Variants in FBXL17 observed in about 807,000 individuals in gnomAD.
FBXL17 encodes F-box and leucine rich repeat protein 17, also known as F-box/LRR-repeat protein 17.
Under a neutral mutation model 66.2 loss-of-function variants are expected in FBXL17, and 22 were observed. The observed-to-expected ratio is 0.33, with a 90% confidence interval of 0.24 to 0.47. The LOEUF (loss-of-function observed/expected upper bound fraction) is 0.47. Ranked by LOEUF, FBXL17 falls within the 20% of genes least tolerant of loss-of-function variation. The pLI is 1.00. For synonymous variants in FBXL17, 474 were observed against 400.5 expected, an observed-to-expected ratio of 1.18 and a Z score of -2.19; for missense variants, 878 against 948.2, an observed-to-expected ratio of 0.93 and a Z score of 0.97.
At chr5:108,330,844 G>A (rs1323556325) in intron 4 of FBXL17, among the ~76,000 whole-genome samples, 1 of 152,002 alleles carries the variant, frequency 6.6e-6, no homozygotes, top group Non-Finnish European at 1.5e-5. Context: ...ATTGAGACTG[G>A]TACAAACATG....
intron 7 of FBXL17, among the ~76,000 whole-genome samples, chr5:108,000,328 T>A (rs1045705248): frequency 3.9e-5 from 6 of 152,130 alleles, no homozygotes; most frequent in African/African-American, 1.4e-4. Flanking sequence ...TAGAAAGATG[T>A]GGGTACACTT....
At chr5:108,120,506 G>A (rs1320962712) in intron 6 of FBXL17, among the ~76,000 whole-genome samples, 1 of 152,122 alleles carries the variant, frequency 6.6e-6, no homozygotes, top group Non-Finnish European at 1.5e-5. Context: ...AAATTTAATT[G>A]ATACAATTAT....
At chr5:108,053,247 G>A (rs1747552171) in intron 6 of FBXL17, among the ~76,000 whole-genome samples, 1 of 152,112 alleles carries the variant, frequency 6.6e-6, no homozygotes, top group East Asian at 1.9e-4. Context: ...ACTACCATCA[G>A]AGTGAACAGG....
At chr5:108,052,135 GAAA>G (rs796881130) in intron 6 of FBXL17, among the ~76,000 whole-genome samples, 15 of 33,844 alleles carry the variant, frequency 4.4e-4, no homozygotes, top group Admixed American at 2.0e-3. Context: ...AAAAAAAAAA[GAAA>G]AAAGAAAAAA....
chr5:108,163,458 T>A (rs1290487129), intron 6 of FBXL17, among the ~76,000 whole-genome samples: 1 of 145,954 alleles, frequency 6.9e-6, no homozygotes, highest in African/African-American at 2.6e-5. Flanking sequence ...TGGAGTGCAG[T>A]GGCGCGATCT....
intron 6 of FBXL17, among the ~76,000 whole-genome samples, chr5:108,104,002 T>C (rs181160918): frequency 6.6e-6 from 1 of 152,240 alleles, no homozygotes; most frequent in East Asian, 1.9e-4. Flanking sequence ...ATTTCTGACA[T>C]CAATTTTATT....
rs182129157 is a variant in FBXL17, at chr5:108,288,137, G to A, written c.1506+60262C>T. Among the ~76,000 whole-genome samples the A allele has an allele frequency of 1.1e-3, 167 of 151,936 alleles. 1 individual carries two copies. The highest frequency in any genetic ancestry group is 1.0e-3 in the South Asian group (5 of 4,806). ...GGGTGGAAGGGAGGAGAAGGGTGAA[G>A]ATTGAAAAACTACCTTGTATCAGGC... On this transcript the variant is annotated intron_variant, in intron 4 of 8. Coordinates refer to ENST00000542267, the MANE Select transcript of FBXL17 (RefSeq NM_001163315.3).
At chr5:108,111,028 G>C (rs1292700197) in intron 6 of FBXL17, among the ~76,000 whole-genome samples, 2 of 152,106 alleles carry the variant, frequency 1.3e-5, no homozygotes, top group South Asian at 2.1e-4. Flanking sequence ...TCTTCAACAA[G>C]TGCTGGCCTG....
At chr5:107,978,489 T>C (rs1752674254) in intron 7 of FBXL17, among the ~76,000 whole-genome samples, 1 of 152,156 alleles carries the variant, frequency 6.6e-6, no homozygotes, top group Non-Finnish European at 1.5e-5. Context: ...ACTTCCCCAT[T>C]ACTCCTGTAG....
intron 4 of FBXL17, among the ~76,000 whole-genome samples, chr5:108,231,234 T>G (rs556746936): frequency 6.6e-6 from 1 of 152,154 alleles, no homozygotes; most frequent in Non-Finnish European, 1.5e-5. Flanking sequence ...AATAAGTTTA[T>G]ACAGTTATAT....
intron 4 of FBXL17, among the ~76,000 whole-genome samples, chr5:108,257,182 C>G (rs773331679): frequency 6.6e-6 from 1 of 152,088 alleles, no homozygotes; most frequent in Non-Finnish European, 1.5e-5. Context: ...GTAATGAAAA[C>G]AGCACAACAA....
intron 4 of FBXL17, among the ~76,000 whole-genome samples, chr5:108,294,881 T>A (rs538155293): frequency 6.6e-6 from 1 of 152,252 alleles, no homozygotes; most frequent in South Asian, 2.1e-4. Context: ...TTTAAAGCCA[T>A]CTACTAATGT....
chr5:108,073,347 A>C (rs1465030512), intron 6 of FBXL17, among the ~76,000 whole-genome samples: 1 of 152,106 alleles, frequency 6.6e-6, no homozygotes, highest in Non-Finnish European at 1.5e-5. Context: ...TCTGAAAAGA[A>C]ACATGACTTG....
chr5:108,079,983 C>T (rs974736282), intron 6 of FBXL17, among the ~76,000 whole-genome samples: 1 of 152,144 alleles, frequency 6.6e-6, no homozygotes, highest in African/African-American at 2.4e-5. Context: ...AGAATTAAGG[C>T]AGGGAGGCAG....
intron 6 of FBXL17, among the ~76,000 whole-genome samples, chr5:108,107,206 G>T (rs1580449915): frequency 6.6e-6 from 1 of 152,136 alleles, no homozygotes; most frequent in Admixed American, 6.5e-5. Flanking sequence ...CGAGTAGCTG[G>T]GATTACAGGC....
At chr5:107,873,808 C>T (rs1748529988) in intron 8 of FBXL17, among the ~76,000 whole-genome samples, 1 of 152,188 alleles carries the variant, frequency 6.6e-6, no homozygotes, top group African/African-American at 2.4e-5. Context: ...TTATTTACTG[C>T]AAAGCAATGA....
At chr5:108,024,303 A>G (rs1754711646) in intron 6 of FBXL17, among the ~76,000 whole-genome samples, 1 of 152,210 alleles carries the variant, frequency 6.6e-6, no homozygotes, top group Non-Finnish European at 1.5e-5. Context: ...CTTTTAAAGT[A>G]GCTCATGAAT....
chr5:108,241,070 C>T (rs1755834718), intron 4 of FBXL17, among the ~76,000 whole-genome samples: 1 of 152,144 alleles, frequency 6.6e-6, no homozygotes, highest in South Asian at 2.1e-4. Flanking sequence ...ATAACAAATA[C>T]CTCTTTAATG....
intron 7 of FBXL17, among the ~76,000 whole-genome samples, chr5:107,936,095 A>G (rs939176526): frequency 1.3e-5 from 2 of 152,180 alleles, no homozygotes; most frequent in African/African-American, 4.8e-5. Flanking sequence ...CTTTGAAGAA[A>G]TCTTACTTCC....
Sources: allele counts gnomAD v4.1 joint callset (sites outside exome capture counted in the v4.1 genomes callset), GRCh38; gene constraint gnomAD v4.1.1; transcripts MANE v1.5; gene names NCBI Gene and HGNC (gene_info 2026-07-23, HGNC 2026-07-21).